MAN2B2: variants seen among roughly 807,000 people sequenced by gnomAD.
MAN2B2 encodes the protein mannosidase alpha class 2B member 2.
Under a neutral mutation model 117.1 loss-of-function variants are expected in MAN2B2, and 106 were observed. That is an observed-to-expected ratio of 0.90 (90% CI 0.77 to 1.06). The LOEUF (loss-of-function observed/expected upper bound fraction) is 1.06. MAN2B2 is among the 50% of genes least tolerant of loss of function. The pLI is 0.00. For missense variants in MAN2B2, 1,326 were observed against 1,381.4 expected (o/e 0.96, Z 0.64); for synonymous variants, 544 against 595.1 (o/e 0.91, Z 1.25).
At chr4:6,610,226 G>A (rs1262995781) in intron 13 of MAN2B2, among the ~76,000 whole-genome samples, 176 bp downstream of exon 13, 1 of 152,116 alleles carries the variant, frequency 6.6e-6, no homozygotes, top group African/African-American at 2.4e-5. Flanking sequence ...GAGCGATCTT[G>A]GCTCACTGCA....
intron 3 of MAN2B2, among the ~76,000 whole-genome samples, chr4:6,579,566 C>G (rs1237121992): frequency 2.7e-5 from 4 of 150,394 alleles, no homozygotes; most frequent in African/African-American, 7.5e-5. Flanking sequence ...ACTACCATTA[C>G]TACCACTACC....
chr4:6,582,901 T>C (rs1273907178), intron 3 of MAN2B2, among the ~76,000 whole-genome samples: 1 of 151,926 alleles, frequency 6.6e-6, no homozygotes, highest in Non-Finnish European at 1.5e-5. Context: ...CTGGTCATTA[T>C]ACTGGTGAGG....
intron 15 of MAN2B2, 32 bp from the exon 16 acceptor site, chr4:6,614,186 C>T (rs1315884047): frequency 2.9e-5 from 46 of 1,606,924 alleles, no homozygotes; most frequent in Non-Finnish European, 3.7e-5. Flanking sequence ...GAGCCCCAAA[C>T]CCTCTCCTCA....
intron 4 of MAN2B2, 67 bp downstream of exon 4, chr4:6,587,235 A>G: frequency 1.3e-6 from 2 of 1,561,654 alleles, no homozygotes; most frequent in Non-Finnish European, 1.7e-6. Flanking sequence ...GAATCAGAGC[A>G]CGGTAGAAAG....
Position 6,605,179 on chromosome 4 carries a change from C to T in MAN2B2, c.1664C>T (p.Pro555Leu), listed in dbSNP as rs142864633. The change falls in exon 11 of 19, where the codon CCG becomes CTG. Residue 555 changes from proline (P) to leucine (L), a missense_variant. Coordinates refer to ENST00000285599, the MANE Select transcript of MAN2B2 (RefSeq NM_015274.3). ...TAGAQEGTQE[P>L]AATVASTLQF... ...GGGGCCCAAGAGGGCACCCAGGAGCCGGCTGCCACTGTGGCGAGCACCCTT... is the reference window on the plus strand; with the variant it reads ...GGGGCCCAAGAGGGCACCCAGGAGCTGGCTGCCACTGTGGCGAGCACCCTT... The T allele has an allele frequency of 7.7e-5, 124 of 1,614,168 alleles. No individual in the cohort carries two copies. Among genetic ancestry groups the T allele is most frequent in the East Asian group, 5.6e-4 (25 of 44,890 alleles).
At chr4:6,614,577 C>T (rs1711767778) in intron 16 of MAN2B2, among the ~76,000 whole-genome samples, 1 of 152,142 alleles carries the variant, frequency 6.6e-6, no homozygotes, top group South Asian at 2.1e-4. Context: ...AGCCCTGTGA[C>T]CCCAGCGCAT....
At chr4:6,583,988 T>C (rs1486855861) in intron 3 of MAN2B2, among the ~76,000 whole-genome samples, 1 of 152,218 alleles carries the variant, frequency 6.6e-6, no homozygotes, top group African/African-American at 2.4e-5. Flanking sequence ...CCATTTTGTC[T>C]CTTAATGCAC....
intron 2 of MAN2B2, 51 bp from the exon 3 acceptor site, chr4:6,578,342 C>G (rs1355585272): frequency 7.2e-7 from 1 of 1,395,078 alleles, no homozygotes; most frequent in African/African-American, 1.4e-5. Flanking sequence ...CAGACCCAGC[C>G]ATGCTCAGGA....
At chr4:6,609,715 G>GCCC in intron 12 of MAN2B2, 83 bp from the exon 13 acceptor site, 4 of 1,289,510 alleles carry the variant, frequency 3.1e-6, no homozygotes, top group African/African-American at 1.5e-5. Flanking sequence ...TGCCCACCCT[G>GCCC]CCCACATGAA....
intron 3 of MAN2B2, among the ~76,000 whole-genome samples, chr4:6,581,496 C>G (rs1258325682): frequency 2.0e-5 from 3 of 152,082 alleles, no homozygotes; most frequent in Admixed American, 6.5e-5. Flanking sequence ...GTGTGTGTAT[C>G]AGACCACCCA....
chr4:6,605,361 C>A, intron 11 of MAN2B2, 32 bp downstream of exon 11: 1 of 1,583,128 alleles, frequency 6.3e-7, no homozygotes, highest in South Asian at 1.1e-5. Context: ...CTCTGAGGCA[C>A]AGGCATGCCT....
intron 10 of MAN2B2, among the ~76,000 whole-genome samples, chr4:6,603,775 C>G (rs186273990): frequency 6.6e-6 from 1 of 152,142 alleles, no homozygotes; most frequent in Admixed American, 6.5e-5. Flanking sequence ...ACAGTCACTA[C>G]AGCAAGTTGC....
At chr4:6,588,220 G>A (rs762750747) in intron 4 of MAN2B2, among the ~76,000 whole-genome samples, 4 of 152,178 alleles carry the variant, frequency 2.6e-5, no homozygotes, top group Non-Finnish European at 5.9e-5. Context: ...GGTGTCAGCA[G>A]GGCCACGCTC....
intron 2 of MAN2B2, among the ~76,000 whole-genome samples, chr4:6,577,205 G>A (rs1349330719): frequency 6.6e-6 from 1 of 152,142 alleles, no homozygotes; most frequent in Non-Finnish European, 1.5e-5. Flanking sequence ...GCACAGTGAG[G>A]CAGCCTGGGT....
At chr4:6,591,661 G>A (rs563642030) in intron 5 of MAN2B2, among the ~76,000 whole-genome samples, 55 of 152,292 alleles carry the variant, frequency 3.6e-4, no homozygotes, top group African/African-American at 1.3e-3. Flanking sequence ...CTAGGCCCCT[G>A]GGGGCCTTCA....
intron 5 of MAN2B2, 81 bp from the exon 6 acceptor site, chr4:6,593,092 G>A (rs1403160484): frequency 1.5e-6 from 2 of 1,364,682 alleles, no homozygotes; most frequent in South Asian, 1.2e-5. Flanking sequence ...TCCCAAGGCT[G>A]GGAGAACATG....
In MAN2B2 at chr4:6,609,348, C is replaced by T. The variant is rs771444833; in HGVS notation, c.2006+50C>T. 18 of 1,558,606 alleles carry T rather than the reference C, an allele frequency of 1.2e-5. No homozygotes were observed. Among genetic ancestry groups the T allele is most frequent in the Middle Eastern group, 2.1e-4 (1 of 4,842 alleles). ...CAGCCCGGCACACAGTCAGCGCACG[C>T]GTGCAGGCAGCTCAGTGAATGAGGG... On this transcript the variant is annotated intron_variant, in intron 12 of 18. Transcript: ENST00000285599.
At chr4:6,594,433 G>C (rs1386238914) in intron 6 of MAN2B2, 101 bp from the exon 7 acceptor site, 1 of 1,246,046 alleles carries the variant, frequency 8.0e-7, no homozygotes, top group Non-Finnish European at 1.1e-6. Context: ...GGCCGCCTTG[G>C]AGACTGGGAG....
At chr4:6,602,682 T>C (rs1315438449) in intron 10 of MAN2B2, among the ~76,000 whole-genome samples, 1 of 151,758 alleles carries the variant, frequency 6.6e-6, no homozygotes, top group African/African-American at 2.4e-5. Flanking sequence ...TTTTTTTTTT[T>C]TTTTTGAGAC....
Sources: gnomAD v4.1 joint callset for allele counts (sites outside exome capture counted in the v4.1 genomes callset) on GRCh38, gnomAD v4.1.1 for gene constraint, MANE v1.5 for transcripts, NCBI Gene and HGNC (gene_info 2026-07-23, HGNC 2026-07-21) for gene names.